The following MYCBP2 variants were observed in gnomAD, a reference collection of about 807,000 sequenced individuals.
MYCBP2 encodes E3 ubiquitin-protein ligase MYCBP2.
In MYCBP2, 120 loss-of-function variants were observed where a neutral mutation model predicts 525.3. The observed-to-expected ratio is 0.23, with a 90% CI of 0.20 to 0.27. The LOEUF (loss-of-function observed/expected upper bound fraction) is 0.27, where lower values mean the gene tolerates loss of function less well. Ranked by LOEUF, MYCBP2 falls within the 10% of genes least tolerant of loss-of-function variation. The probability of loss-of-function intolerance (pLI) is 1.00; values close to 1 mark genes in which losing one functional copy is unlikely to be tolerated. For synonymous variants in MYCBP2, 1,894 were observed against 1,955.8 expected, an observed-to-expected ratio of 0.97 and a Z score of 0.83; for missense variants, 4,149 against 5,657.1, an observed-to-expected ratio of 0.73 and a Z score of 8.55.
At chr13:77,247,633 A>C (rs1215186221) in intron 15 of MYCBP2, among the ~76,000 whole-genome samples, 3 of 152,234 alleles carry the variant, frequency 2.0e-5, no homozygotes, top group East Asian at 3.8e-4. Context: ...TTGAAAAAGA[A>C]GAACAAAGTA....
At chr13:77,243,620 GA>G (rs68189974) in intron 16 of MYCBP2, among the ~76,000 whole-genome samples, 185 bp downstream of exon 16, 144 of 109,914 alleles carry the variant, frequency 1.3e-3, no homozygotes, top group Admixed American at 3.8e-3. Flanking sequence ...CTCAAAAAAA[GA>G]AAAAAAAAAA....
At chr13:77,251,088 G>T (rs189967543) in intron 15 of MYCBP2, 63 bp downstream of exon 15, 2 of 1,499,382 alleles carry the variant, frequency 1.3e-6, no homozygotes, top group East Asian at 2.3e-5. Context: ...AGTATACTCC[G>T]GAATGATTTT....
chr13:77,301,245 T>C (rs1567201206), intron 1 of MYCBP2, among the ~76,000 whole-genome samples: 1 of 151,250 alleles, frequency 6.6e-6, no homozygotes, highest in African/African-American at 2.4e-5. Context: ...TGAAACCCCG[T>C]CTCTACTAAA....
chr13:77,273,309 C>A (rs529520281), intron 5 of MYCBP2, among the ~76,000 whole-genome samples, 163 bp downstream of exon 5: 1 of 152,282 alleles, frequency 6.6e-6, no homozygotes, highest in East Asian at 1.9e-4. Context: ...GTTAAACATA[C>A]ATATCACTTA....
In MYCBP2 at chr13:77,142,907, C is replaced by T. The variant is rs185262648; in HGVS notation, c.7303+1538G>A. On this transcript the variant is annotated intron_variant, in intron 49 of 82. Transcript: ENST00000544440. ...CAACTATTCCAAAATCAGAAAAAGT[C>T]CAAAATCTAGAATACTTCTGGTGCC... Among the ~76,000 whole-genome samples the T allele has an allele frequency of 8.7e-3, 1,322 of 152,240 alleles. 20 individuals are homozygous for T. Among genetic ancestry groups the T allele is most frequent in the African/African-American group, 0.03 (1,231 of 41,540 alleles).
chr13:77,047,254 G>A (rs1185279366), intron 82 of MYCBP2, among the ~76,000 whole-genome samples: 1 of 152,126 alleles, frequency 6.6e-6, no homozygotes. Flanking sequence ...GTCATAGGAG[G>A]CAGAAACGAT....
chr13:77,284,256 A>G (rs9574025), intron 3 of MYCBP2, among the ~76,000 whole-genome samples: 150,683 of 151,420 alleles, frequency 1, 74,978 homozygotes, highest in Middle Eastern at 1. Flanking sequence ...AAAAGAGTAC[A>G]AGAAACAGAA....
At chr13:77,227,818 AAGG>A (rs2066513059) in intron 18 of MYCBP2, among the ~76,000 whole-genome samples, 1 of 152,190 alleles carries the variant, frequency 6.6e-6, no homozygotes, top group African/African-American at 2.4e-5. Context: ...AGCATCAAGG[AAGG>A]AGATTATTTT....
At chr13:77,271,977 T>G (rs1204608101) in intron 5 of MYCBP2, among the ~76,000 whole-genome samples, 2 of 152,152 alleles carry the variant, frequency 1.3e-5, no homozygotes, top group Non-Finnish European at 2.9e-5. Context: ...ATATGGAGTT[T>G]AGGCTAGAGT....
chr13:77,211,108 A>G, intron 23 of MYCBP2, 59 bp downstream of exon 23: 2 of 1,282,300 alleles, frequency 1.6e-6, no homozygotes, highest in Non-Finnish European at 2.0e-6. Flanking sequence ...AGTTTATATT[A>G]CCATAAGAGT....
chr13:77,141,214 G>GA (rs2054562291), intron 49 of MYCBP2, among the ~76,000 whole-genome samples: 1 of 151,934 alleles, frequency 6.6e-6, no homozygotes, highest in Admixed American at 6.6e-5. Context: ...AGAAAAAATG[G>GA]AAAATAATAA....
At chr13:77,196,117 G>A (rs937742533) in intron 26 of MYCBP2, among the ~76,000 whole-genome samples, 2 of 152,188 alleles carry the variant, frequency 1.3e-5, no homozygotes, top group Non-Finnish European at 2.9e-5. Context: ...GGGGAAGTGG[G>A]CTATGTAGGT....
chr13:77,288,547 C>G (rs73223442), intron 2 of MYCBP2, among the ~76,000 whole-genome samples, 171 bp from the exon 3 acceptor site: 3,386 of 152,258 alleles, frequency 0.022, 56 homozygotes, highest in Middle Eastern at 0.071. Context: ...TTTTCTATAC[C>G]TCACTATTTT....
chr13:77,131,251 G>C (rs1345125833), intron 52 of MYCBP2, among the ~76,000 whole-genome samples: 1 of 152,136 alleles, frequency 6.6e-6, no homozygotes, highest in African/African-American at 2.4e-5. Context: ...GGTGAGTAGT[G>C]CATGCCTATA....
intron 68 of MYCBP2, among the ~76,000 whole-genome samples, chr13:77,073,265 A>T (rs1354205638): frequency 3.3e-5 from 5 of 152,176 alleles, no homozygotes; most frequent in Admixed American, 3.3e-4. Context: ...ATGAAGAAAG[A>T]GAAACATATA....
chr13:77,121,583 A>G, intron 54 of MYCBP2, 88 bp from the exon 55 acceptor site: 1 of 1,280,330 alleles, frequency 7.8e-7, no homozygotes, highest in Non-Finnish European at 1.0e-6. Context: ...AAAAGATTTT[A>G]TGATGGTTAG....
chr13:77,211,926 G>T (rs1439223741), intron 22 of MYCBP2, 30 bp downstream of exon 22: 1 of 1,526,758 alleles, frequency 6.5e-7, no homozygotes, highest in Non-Finnish European at 9.1e-7. Flanking sequence ...CAAGAGTTTG[G>T]AAGGGGCATT....
At chr13:77,189,148 T>C in intron 29 of MYCBP2, 101 bp from the exon 30 acceptor site, 1 of 774,042 alleles carries the variant, frequency 1.3e-6, no homozygotes, top group Non-Finnish European at 1.8e-6. Context: ...ATAAATTATA[T>C]ATTTAAATTT....
chr13:77,076,689 T>A, intron 68 of MYCBP2, 62 bp downstream of exon 68: 1 of 1,002,648 alleles, frequency 1.0e-6, no homozygotes, highest in Non-Finnish European at 1.5e-6. Context: ...AATAAATGAA[T>A]TATTTCACTG....
Sources: gnomAD v4.1 joint callset for allele counts (sites outside exome capture counted in the v4.1 genomes callset) on GRCh38, gnomAD v4.1.1 for gene constraint, MANE v1.5 for transcripts, NCBI Gene and HGNC (gene_info 2026-07-23, HGNC 2026-07-21) for gene names.